NF1: variants seen among roughly 807,000 people sequenced by gnomAD.
NF1 encodes neurofibromin 1, also known as neurofibromin.
NF1 carries 122 observed loss-of-function variants against 325.7 expected under a neutral mutation model. The ratio of observed to expected loss-of-function variants is 0.37; its 90% CI spans 0.32 to 0.44. NF1 has a LOEUF of 0.44. NF1 is among the 20% of genes least tolerant of loss of function. NF1 has a pLI of 1.00. For missense variants in NF1, 2,140 were observed against 3,415.4 expected (o/e 0.63, Z 9.31); for synonymous variants, 1,091 against 1,186.0 (o/e 0.92, Z 1.65).
In NF1 at chr17:31,295,033, A is replaced by G. The variant is rs773124578; in HGVS notation, c.4835+29694A>G. 3 of 1,614,030 alleles carry G rather than the reference A, an allele frequency of 1.9e-6. No individual in the cohort carries two copies. In the East Asian group the frequency reaches 6.7e-5, roughly 36 times the overall value. On this transcript the variant is annotated intron_variant, in intron 36 of 57. Coordinates refer to ENST00000358273, the MANE Select transcript of NF1 (RefSeq NM_001042492.3). ...CTCAGACAGCCAGCATGACCACAACATTGAGCAATAAGAGAAATGAAGCAT... is the reference window on the plus strand; with the variant it reads ...CTCAGACAGCCAGCATGACCACAACGTTGAGCAATAAGAGAAATGAAGCAT...
intron 34 of NF1, 33 bp downstream of exon 34, chr17:31,260,548 C>T: frequency 1.2e-6 from 2 of 1,611,604 alleles, no homozygotes; most frequent in Non-Finnish European, 1.7e-6. Flanking sequence ...ATAGTGAACA[C>T]TCTCCGTTTA....
chr17:31,132,598 TTTG>T (rs1915472423), intron 1 of NF1, among the ~76,000 whole-genome samples: 1 of 152,180 alleles, frequency 6.6e-6, no homozygotes, highest in African/African-American at 2.4e-5. Flanking sequence ...TTTTGTTAAT[TTTG>T]TTGTTACATT....
At chr17:31,263,125 A>AGAT (rs78971065) in intron 35 of NF1, among the ~76,000 whole-genome samples, 10,825 of 143,080 alleles carry the variant, frequency 0.076, 499 homozygotes, top group Non-Finnish European at 0.1. Flanking sequence ...ATAGATAGAT[A>AGAT]AGATAAGATA....
intron 30 of NF1, chr17:31,252,559 C>T (rs534114780): frequency 4.3e-6 from 1 of 230,686 alleles, no homozygotes; most frequent in African/African-American, 2.2e-5. Flanking sequence ...ATTATGTAGA[C>T]ACAAATGTTT....
rs1911530520 is a variant in NF1 at position 31,095,163 on chromosome 17, C to T, written c.-147C>T. On this transcript the variant is annotated 5_prime_UTR_variant, in exon 1 of 58. Transcript: ENST00000358273. ...TCCCGCTCGGCGCTGACCCCCCATCCCCACCCCCGTGGGAACACTGGGAGC... is the reference window on the plus strand; with the variant it reads ...TCCCGCTCGGCGCTGACCCCCCATCTCCACCCCCGTGGGAACACTGGGAGC... 2.9e-6 allele frequency: 2 copies of T among 686,882 alleles called. No homozygotes were observed. The highest frequency in any genetic ancestry group is 5.2e-6 in the Non-Finnish European group (2 of 387,120). The allele number at this position is 686,882 out of a possible 1,614,324, so 42.5% of individuals were successfully genotyped here. A position where few individuals can be genotyped will look rare whatever the true frequency, so the allele number is the denominator to read the frequency against.
chr17:31,351,792 A>G (rs2070151556), intron 50 of NF1, among the ~76,000 whole-genome samples: 1 of 152,200 alleles, frequency 6.6e-6, no homozygotes, highest in Non-Finnish European at 1.5e-5. Context: ...CACGCAGCCC[A>G]GGATGGCTTT....
intron 56 of NF1, 58 bp from the exon 57 acceptor site, chr17:31,360,429 C>A: frequency 6.8e-7 from 1 of 1,460,128 alleles, no homozygotes; most frequent in Non-Finnish European, 9.6e-7. Context: ...TTTTTGGCTT[C>A]AGATGGGGAT....
intron 36 of NF1, among the ~76,000 whole-genome samples, chr17:31,323,272 G>T (rs1251735585): frequency 6.6e-6 from 1 of 151,910 alleles, no homozygotes; most frequent in Non-Finnish European, 1.5e-5. Flanking sequence ...AACTAGCCGG[G>T]CATGGTGGCG....
At chr17:31,159,699 T>A (rs947838179) in intron 3 of NF1, among the ~76,000 whole-genome samples, 1 of 152,198 alleles carries the variant, frequency 6.6e-6, no homozygotes, top group Non-Finnish European at 1.5e-5. Flanking sequence ...AGTATTTCTA[T>A]TGTGTAAAGA....
chr17:31,358,663 C>A (rs2070330847), intron 55 of NF1, 41 bp downstream of exon 55: 3 of 1,610,232 alleles, frequency 1.9e-6, no homozygotes, highest in Non-Finnish European at 2.5e-6. Flanking sequence ...GATGAACTTG[C>A]TAACATGCGC....
intron 1 of NF1, among the ~76,000 whole-genome samples, chr17:31,149,251 TATAA>T (rs1265768651): frequency 1.3e-5 from 2 of 152,024 alleles, no homozygotes; most frequent in Non-Finnish European, 2.9e-5. Context: ...TTTCAGCATA[TATAA>T]ATATATACAC....
At chr17:31,133,887 C>T (rs957103592) in intron 1 of NF1, among the ~76,000 whole-genome samples, 4 of 152,170 alleles carry the variant, frequency 2.6e-5, no homozygotes, top group Non-Finnish European at 4.4e-5. Flanking sequence ...GAACTCCTGA[C>T]CTCAAGTGAT....
At chr17:31,260,844 G>C (rs2067673509) in intron 34 of NF1, among the ~76,000 whole-genome samples, 1 of 152,130 alleles carries the variant, frequency 6.6e-6, no homozygotes, top group African/African-American at 2.4e-5. Context: ...TGACTCTGAA[G>C]AACAGCCAAT....
rs2144017600 is a variant in NF1 at position 31,223,582 on chromosome 17, A to G, written c.1845+15A>G. On this transcript the variant is annotated intron_variant, in intron 16 of 57. Coordinates refer to ENST00000358273, the MANE Select transcript of NF1 (RefSeq NM_001042492.3). ...TTAAAAATAAGGTAAGCAAAATGAC[A>G]TATTTAAAAAATGGAAGAATATTTG... is the stretch of plus-strand genomic sequence containing the variant. 2.5e-6 allele frequency: 4 copies of G among 1,607,660 alleles called. No homozygotes were observed. The South Asian group carries it at 3.3e-5, about 13-fold the overall frequency.
Position 31,181,459 on chromosome 17 carries a change from G to T in NF1, c.624G>T (p.Ala208=), listed in dbSNP as rs370184932. The T allele has an allele frequency of 4.3e-6, 7 of 1,613,332 alleles. No homozygotes were observed. Among genetic ancestry groups the T allele is most frequent in the Non-Finnish European group, 5.9e-6 (7 of 1,179,634 alleles). ...AATTTAAAGCCCTAAAGAAGGTTGC[G>T]CAGTTAGCAGTTATAAATAGCCTGG... ...AFKFKALKKV[A]QLAVINSLEK... The change falls in exon 6 of 58, where the codon GCG becomes GCT. Residue 208 remains alanine (A), a synonymous_variant. Transcript: ENST00000358273.
chr17:31,159,030 T>C lies in NF1; in HGVS notation c.225T>C (p.Ala75=), dbSNP rs1297924034. ...VNNMRIFGEA[A]EKNLYLSQLI... is the part of the protein sequence containing the mutation. ...GTTAGAGAATATTTGGAGAAGCTGC[T>C]GAAAAAAATTTATATCTCTCTCAGT... The change falls in exon 3 of 58, where the codon GCT becomes GCC. Residue 75 remains alanine (A), a synonymous_variant. Coordinates refer to ENST00000358273, the MANE Select transcript of NF1 (RefSeq NM_001042492.3). 2.5e-6 allele frequency: 4 copies of C among 1,605,538 alleles called. No homozygotes were observed. Among genetic ancestry groups the C allele is most frequent in the Non-Finnish European group, 1.7e-6 (2 of 1,172,548 alleles).
At position 31,219,125 on chromosome 17, in the gene NF1, G is replaced by C. The variant is rs1060503887; in HGVS notation, c.1641+7G>C. The C allele has an allele frequency of 5.6e-6, 9 of 1,611,640 alleles. No individual in the cohort carries two copies. The highest frequency in any genetic ancestry group is 7.6e-6 in the Non-Finnish European group (9 of 1,178,692). ...TGCTCAGGAAGCAATGGAGGTAAGG[G>C]GAAAATGAATTCCATGTTCTTGAAG... On this transcript the variant is annotated splice_region_variant and intron_variant, in intron 14 of 57. Coordinates refer to ENST00000358273, the MANE Select transcript of NF1 (RefSeq NM_001042492.3).
At chr17:31,366,954 A>G (rs1226367650) in intron 57 of NF1, among the ~76,000 whole-genome samples, 1 of 152,124 alleles carries the variant, frequency 6.6e-6, no homozygotes, top group Admixed American at 6.6e-5. Context: ...TAATTTTTAA[A>G]TCTAATTTTT....
At chr17:31,139,788 G>A (rs1916081846) in intron 1 of NF1, among the ~76,000 whole-genome samples, 1 of 152,196 alleles carries the variant, frequency 6.6e-6, no homozygotes, top group Non-Finnish European at 1.5e-5. Flanking sequence ...CGTTAAGAAA[G>A]TAACAAAGTA....
Sources: allele counts gnomAD v4.1 joint callset (sites outside exome capture counted in the v4.1 genomes callset), GRCh38; gene constraint gnomAD v4.1.1; transcripts MANE v1.5; gene names NCBI Gene and HGNC (gene_info 2026-07-23, HGNC 2026-07-21).